The following MTMR2 variants were observed in gnomAD, a reference collection of about 807,000 sequenced individuals.
The protein encoded by MTMR2 is myotubularin related protein 2.
Under a neutral mutation model 86.9 loss-of-function variants are expected in MTMR2, and 55 were observed. That is an observed-to-expected ratio of 0.63 (90% confidence interval 0.51 to 0.79). The LOEUF is 0.79. Among genes scored for constraint, MTMR2 ranks in the 30% least tolerant of loss-of-function variants. The probability of loss-of-function intolerance (pLI) is 0.00; values close to 1 mark genes in which losing one functional copy is unlikely to be tolerated. For missense variants in MTMR2, 659 were observed against 772.3 expected, an observed-to-expected ratio of 0.85 and a Z score of 1.74; for synonymous variants, 241 against 266.8, an observed-to-expected ratio of 0.90 and a Z score of 0.94.
At chr11:95,922,451 C>T (rs1207810579) in intron 1 of MTMR2, among the ~76,000 whole-genome samples, 1 of 151,764 alleles carries the variant, frequency 6.6e-6, no homozygotes, top group East Asian at 1.9e-4. Flanking sequence ...TTCCAAATTT[C>T]AAAGCAATAA....
Position 95,838,136 on chromosome 11 carries a change from G to C in MTMR2, c.1551C>G (p.Phe517Leu). 1 of 1,611,124 alleles carries C rather than the reference G, an allele frequency of 6.2e-7. No homozygotes were observed. Among genetic ancestry groups the C allele is most frequent in the Non-Finnish European group, 8.5e-7 (1 of 1,177,646 alleles). The change falls in exon 13 of 15, where the codon TTC becomes TTG. Residue 517 changes from phenylalanine to leucine, a missense_variant. Coordinates refer to ENST00000346299, the MANE Select transcript of MTMR2 (RefSeq NM_016156.6). ...TILDHLYSCLFGTFLCNSEQQ... is the reference protein window; with the variant it reads ...TILDHLYSCLLGTFLCNSEQQ... The stretch of plus-strand genomic sequence containing the variant: ...GTTCACTATTACAGAGGAATGTTCC[G>C]AATAAGCAGCTGTATAGGTGGTCCA...
intron 1 of MTMR2, chr11:95,912,808 A>G (rs1000823307): frequency 3.9e-5 from 6 of 152,062 alleles, no homozygotes; most frequent in Admixed American, 2.6e-4. Context: ...TTCTGTATGA[A>G]GCAAATAAAA....
chr11:95,883,433 A>C (rs1865409101), intron 2 of MTMR2, among the ~76,000 whole-genome samples: 1 of 152,220 alleles, frequency 6.6e-6, no homozygotes, highest in Admixed American at 6.5e-5. Context: ...ATTCTATGTA[A>C]AAGAATACTA....
chr11:95,840,838 G>A (rs1479797776), intron 12 of MTMR2, among the ~76,000 whole-genome samples: 1 of 152,040 alleles, frequency 6.6e-6, no homozygotes, highest in Non-Finnish European at 1.5e-5. Flanking sequence ...AAATTCATAT[G>A]GCAATCTAAA....
chr11:95,859,367 T>G (rs1338842032), intron 5 of MTMR2, among the ~76,000 whole-genome samples: 1 of 152,220 alleles, frequency 6.6e-6, no homozygotes, highest in Non-Finnish European at 1.5e-5. Context: ...TTATTCATGT[T>G]CCGGTTTACT....
chr11:95,872,758 G>A (rs1864940385), intron 2 of MTMR2, among the ~76,000 whole-genome samples: 1 of 152,128 alleles, frequency 6.6e-6, no homozygotes, highest in South Asian at 2.1e-4. Context: ...GTTTGTCATA[G>A]ATAGCTCTTA....
intron 11 of MTMR2, among the ~76,000 whole-genome samples, chr11:95,842,013 C>T (rs904735084): frequency 2.0e-5 from 3 of 152,136 alleles, no homozygotes; most frequent in Non-Finnish European, 2.9e-5. Flanking sequence ...GGCTGGCTTG[C>T]GCCCAAAAGT....
chr11:95,879,932 TTAAG>T (rs1376366518), intron 2 of MTMR2, among the ~76,000 whole-genome samples: 1 of 152,110 alleles, frequency 6.6e-6, no homozygotes, highest in Non-Finnish European at 1.5e-5. Context: ...GTTTTTCTGT[TTAAG>T]TATTCATCTT....
intron 2 of MTMR2, chr11:95,887,789 T>G: frequency 4.5e-6 from 1 of 224,180 alleles, no homozygotes; most frequent in African/African-American, 2.4e-5. Context: ...TTGGTCAGAG[T>G]TTTACAAGAG....
intron 2 of MTMR2, chr11:95,882,386 C>T (rs1280350746): frequency 2.6e-5 from 4 of 152,188 alleles, no homozygotes. Flanking sequence ...GTAATCCCAG[C>T]TCCTCGGGAA....
chr11:95,900,823 A>G (rs1358947043), intron 1 of MTMR2, among the ~76,000 whole-genome samples: 1 of 152,224 alleles, frequency 6.6e-6, no homozygotes, highest in Non-Finnish European at 1.5e-5. Flanking sequence ...AGAATCATTA[A>G]TAACACTCAA....
Position 95,863,227 on chromosome 11 carries a change from A to G in MTMR2, c.263-861T>C, listed in dbSNP as rs534216687. The stretch of plus-strand genomic sequence containing the variant: ...CTTCATCATTCCAAGGAAGTAAGGG[A>G]CAATTCTGTGGAGCAACAACTTTCT... On this transcript the variant is annotated intron_variant, in intron 3 of 14. Transcript: ENST00000346299. 5.3e-5 allele frequency among the ~76,000 whole-genome samples: 8 copies of G among 152,342 alleles called. No homozygotes were observed. In the South Asian group the frequency reaches 1.5e-3, roughly 28 times the overall value.
chr11:95,861,615 G>A (rs544188499), intron 5 of MTMR2, among the ~76,000 whole-genome samples: 14 of 151,940 alleles, frequency 9.2e-5, no homozygotes, highest in East Asian at 1.9e-4. Context: ...GTAGAGATGC[G>A]TTTTCATCAT....
rs1863858554 is a variant in MTMR2 at position 95,847,869 on chromosome 11, C to T, written c.1024G>A (p.Ala342Thr). The change falls in exon 10 of 15, where the codon GCC becomes ACC. Residue 342 changes from alanine (A) to threonine (T), a missense_variant. Around this residue, in one of 3 missense-constraint regions of MTMR2, gnomAD observed 387 missense variants for 526.3 expected, o/e 0.74. Coordinates refer to ENST00000346299, the MANE Select transcript of MTMR2 (RefSeq NM_016156.6). ...AKGGGYESEDAYQNAELVFLD... is the reference protein window; with the variant it reads ...AKGGGYESEDTYQNAELVFLD... ...AAAACTAGTTCAGCATTTTGATAGG[C>T]ATCTTCACTTTCATAACCTCCACCC... 3 of 1,613,624 alleles carry T rather than the reference C, an allele frequency of 1.9e-6. No individual in the cohort carries two copies. The highest frequency in any genetic ancestry group is 1.7e-5 in the Admixed American group (1 of 59,984).
intron 1 of MTMR2, among the ~76,000 whole-genome samples, chr11:95,906,901 C>G (rs1305607244): frequency 6.6e-6 from 1 of 151,774 alleles, no homozygotes; most frequent in Non-Finnish European, 1.5e-5. Flanking sequence ...AGTTTAAATC[C>G]CCATATCGAA....
At chr11:95,863,708 T>A (rs1336970546) in intron 3 of MTMR2, among the ~76,000 whole-genome samples, 1 of 152,140 alleles carries the variant, frequency 6.6e-6, no homozygotes, top group African/African-American at 2.4e-5. Context: ...AATGTCATTC[T>A]CAGGCCAGTG....
At position 95,835,455 on chromosome 11, in the gene MTMR2, C is replaced by A; in HGVS notation, c.1771-4G>T. 1 of 1,595,636 alleles carries A rather than the reference C, an allele frequency of 6.3e-7. No individual in the cohort carries two copies. Among genetic ancestry groups the A allele is most frequent in the Non-Finnish European group, 8.6e-7 (1 of 1,166,630 alleles). ...TGTATCTGTTGTGAATAGGTTCCTG[C>A]AAGAGCAAAACATAAAATATTCAAC... On this transcript the variant is annotated splice_region_variant and splice_polypyrimidine_tract_variant and intron_variant, in intron 14 of 14. Coordinates refer to ENST00000346299, the MANE Select transcript of MTMR2 (RefSeq NM_016156.6).
chr11:95,850,232 C>CTTTTTTTTTTTTTTTTTTTTTTTTTT (rs1398914513), intron 8 of MTMR2, among the ~76,000 whole-genome samples: 1 of 151,408 alleles, frequency 6.6e-6, no homozygotes, highest in South Asian at 2.1e-4. Context: ...GCTCATCTTT[C>CTTTTTTTTTTTTTTTTTTTTTTTTTT]TAAGATCCAG....
At chr11:95,898,799 A>C (rs1865970158) in intron 1 of MTMR2, among the ~76,000 whole-genome samples, 1 of 152,178 alleles carries the variant, frequency 6.6e-6, no homozygotes, top group Non-Finnish European at 1.5e-5. Context: ...CTTTTATGAA[A>C]GAGGTGGCAT....
Sources: allele counts gnomAD v4.1 joint callset (sites outside exome capture counted in the v4.1 genomes callset), GRCh38; gene constraint gnomAD v4.1.1; regional missense constraint gnomAD v4.1.1; transcripts MANE v1.5; gene names NCBI Gene and HGNC (gene_info 2026-07-23, HGNC 2026-07-21).